Variants in CTNND2 observed in about 807,000 individuals in gnomAD.
The protein encoded by CTNND2 is catenin delta-2.
CTNND2 carries 22 observed loss-of-function variants against 144.4 expected under a neutral mutation model. That is an observed-to-expected ratio of 0.15 (90% CI 0.11 to 0.22). CTNND2 has a LOEUF of 0.22. Ranked by LOEUF, CTNND2 falls within the 10% of genes least tolerant of loss-of-function variation. CTNND2 has a pLI of 1.00. For synonymous variants in CTNND2, 751 were observed against 695.6 expected, an observed-to-expected ratio of 1.08 and a Z score of -1.25; for missense variants, 1,353 against 1,618.8, an observed-to-expected ratio of 0.84 and a Z score of 2.82.
intron 3 of CTNND2, among the ~76,000 whole-genome samples, chr5:11,533,924 T>C (rs1373341801): frequency 6.6e-6 from 1 of 152,212 alleles, no homozygotes; most frequent in Non-Finnish European, 1.5e-5. Context: ...TCACACATTA[T>C]TCTGGAGAGC....
intron 1 of CTNND2, among the ~76,000 whole-genome samples, chr5:11,741,363 A>G (rs1392896234): frequency 6.6e-6 from 1 of 152,206 alleles, no homozygotes; most frequent in Non-Finnish European, 1.5e-5. Flanking sequence ...TGTGGCACAT[A>G]TACACCATGG....
chr5:11,206,295 A>C (rs1738042589), intron 10 of CTNND2, among the ~76,000 whole-genome samples: 1 of 152,196 alleles, frequency 6.6e-6, no homozygotes, highest in African/African-American at 2.4e-5. Flanking sequence ...AATGCACCTC[A>C]AAGCTGTTTT....
chr5:10,985,347 A>C (rs572127425), intron 20 of CTNND2, among the ~76,000 whole-genome samples: 2 of 152,332 alleles, frequency 1.3e-5, no homozygotes, highest in East Asian at 3.9e-4. Flanking sequence ...ATGAATAGCC[A>C]ACTGGATTTC....
intron 2 of CTNND2, among the ~76,000 whole-genome samples, chr5:11,709,057 C>A (rs1785878770): frequency 6.6e-6 from 1 of 152,114 alleles, no homozygotes; most frequent in Non-Finnish European, 1.5e-5. Context: ...ACTAGGTATC[C>A]TGTAAGATTG....
chr5:11,848,010 T>C (rs1456126158), intron 1 of CTNND2, among the ~76,000 whole-genome samples: 2 of 152,070 alleles, frequency 1.3e-5, no homozygotes, highest in Non-Finnish European at 2.9e-5. Flanking sequence ...CTTATTTTAA[T>C]ATATTTTAAA....
chr5:11,669,187 C>T (rs750204605), intron 2 of CTNND2, among the ~76,000 whole-genome samples: 8 of 152,028 alleles, frequency 5.3e-5, no homozygotes, highest in Admixed American at 1.3e-4. Context: ...TGAGGATTTT[C>T]GCAGTGATGT....
chr5:11,544,362 T>G (rs1175403906), intron 3 of CTNND2, among the ~76,000 whole-genome samples: 1 of 152,164 alleles, frequency 6.6e-6, no homozygotes, highest in Non-Finnish European at 1.5e-5. Flanking sequence ...CTGATAGGAT[T>G]AGAAAATGGT....
chr5:11,847,131 TA>T (rs1561854243), intron 1 of CTNND2, among the ~76,000 whole-genome samples: 93 of 9,104 alleles, frequency 0.01, no homozygotes, highest in East Asian at 0.049. Context: ...AAAGATTTTA[TA>T]TATATATATA....
chr5:11,034,322 G>T (rs971946078), intron 16 of CTNND2, among the ~76,000 whole-genome samples: 24 of 152,284 alleles, frequency 1.6e-4, no homozygotes, highest in African/African-American at 5.3e-4. Flanking sequence ...GTTAACGAGT[G>T]TTCAGCTAGA....
At chr5:11,082,013 A>G (rs1749629305) in intron 16 of CTNND2, among the ~76,000 whole-genome samples, 1 of 152,276 alleles carries the variant, frequency 6.6e-6, no homozygotes, top group African/African-American at 2.4e-5. Context: ...GAAATTTGCA[A>G]TCTCACTAAT....
chr5:11,390,051 TG>T (rs1759500004), intron 6 of CTNND2, among the ~76,000 whole-genome samples: 2 of 152,352 alleles, frequency 1.3e-5, no homozygotes, highest in Middle Eastern at 3.4e-3. Flanking sequence ...AAAACACTTC[TG>T]ATCCCCTGCA....
At chr5:11,132,512 G>A (rs770374085) in intron 12 of CTNND2, among the ~76,000 whole-genome samples, 1 of 152,094 alleles carries the variant, frequency 6.6e-6, no homozygotes, top group Non-Finnish European at 1.5e-5. Context: ...GAAGACACAG[G>A]AGTTGGCTGT....
intron 2 of CTNND2, among the ~76,000 whole-genome samples, chr5:11,600,097 T>G (rs1779705163): frequency 6.6e-6 from 1 of 152,194 alleles, no homozygotes; most frequent in African/African-American, 2.4e-5. Context: ...TAAATTTCCA[T>G]TCCTCCATCT....
chr5:10,996,655 A>G (rs852608), intron 18 of CTNND2, among the ~76,000 whole-genome samples: 88,414 of 151,978 alleles, frequency 0.58, 26,592 homozygotes, highest in East Asian at 0.74. Context: ...CTGGAGTGCA[A>G]TGGCGTGATC....
chr5:11,796,236 T>C (rs1791395194), intron 1 of CTNND2, among the ~76,000 whole-genome samples: 1 of 152,194 alleles, frequency 6.6e-6, no homozygotes, highest in Admixed American at 6.5e-5. Context: ...CCCCTCACCG[T>C]GCAATGTCAC....
intron 9 of CTNND2, among the ~76,000 whole-genome samples, chr5:11,328,289 CT>C (rs747493685): frequency 0.015 from 1,997 of 135,700 alleles, 12 homozygotes; most frequent in South Asian, 0.052. Context: ...ACACAAAATT[CT>C]TTTTTTTTTT....
chr5:11,027,200 G>A (rs143341999), intron 16 of CTNND2: 1 of 152,310 alleles, frequency 6.6e-6, no homozygotes, highest in African/African-American at 2.4e-5. Context: ...GGAAATCATG[G>A]TGCTCGCTTC....
At chr5:11,732,016 C>A in intron 2 of CTNND2, 120 bp downstream of exon 2, 1 of 838,428 alleles carries the variant, frequency 1.2e-6, no homozygotes, top group East Asian at 2.7e-5. Context: ...TAATAAATAC[C>A]AACACTCTGC....
intron 9 of CTNND2, among the ~76,000 whole-genome samples, chr5:11,273,369 C>CT (rs1291633547): frequency 2.0e-5 from 3 of 152,164 alleles, no homozygotes; most frequent in Non-Finnish European, 4.4e-5. Context: ...GTGTAACTGG[C>CT]TAAGTGTATG....
Sources: gnomAD v4.1 joint callset for allele counts (sites outside exome capture counted in the v4.1 genomes callset) on GRCh38, gnomAD v4.1.1 for gene constraint, MANE v1.5 for transcripts, NCBI Gene and HGNC (gene_info 2026-07-23, HGNC 2026-07-21) for gene names.